Variants in GALNTL6 observed in about 807,000 individuals in gnomAD.
The protein encoded by GALNTL6 is polypeptide N-acetylgalactosaminyltransferase-like 6.
GALNTL6 carries 46 observed loss-of-function variants against 73.7 expected under a neutral mutation model. The observed-to-expected ratio is 0.62, with a 90% CI of 0.49 to 0.80. The LOEUF (loss-of-function observed/expected upper bound fraction) is 0.80. GALNTL6 is among the 30% of genes least tolerant of loss of function. The probability of loss-of-function intolerance (pLI) is 0.00; values close to 1 mark genes in which losing one functional copy is unlikely to be tolerated. For missense variants in GALNTL6, 604 were observed against 755.0 expected (o/e 0.80, Z 2.34); for synonymous variants, 259 against 263.7 (o/e 0.98, Z 0.17).
chr4:172,035,770 A>T (rs899258230), intron 2 of GALNTL6, among the ~76,000 whole-genome samples: 4 of 152,146 alleles, frequency 2.6e-5, no homozygotes, highest in Non-Finnish European at 2.9e-5. Flanking sequence ...GTGCCAGTGA[A>T]CAGTGCTTTA....
At chr4:172,994,480 G>A (rs574930803) in intron 10 of GALNTL6, among the ~76,000 whole-genome samples, 6 of 152,186 alleles carry the variant, frequency 3.9e-5, no homozygotes, top group Admixed American at 3.9e-4. Flanking sequence ...ATAATTTAAG[G>A]CTCACAGAGA....
chr4:172,902,282 A>C (rs1746668148), intron 8 of GALNTL6, among the ~76,000 whole-genome samples: 1 of 152,208 alleles, frequency 6.6e-6, no homozygotes, highest in Non-Finnish European at 1.5e-5. Flanking sequence ...TAAAGTCCAA[A>C]TATTAACATT....
chr4:172,232,805 A>C (rs836323), intron 3 of GALNTL6, among the ~76,000 whole-genome samples: 150,271 of 152,216 alleles, frequency 0.99, 74,205 homozygotes, highest in East Asian at 1. Flanking sequence ...TGCTATGGGG[A>C]CATTTGTTCT....
chr4:172,750,936 T>C (rs1309767004), intron 5 of GALNTL6, among the ~76,000 whole-genome samples: 3 of 152,160 alleles, frequency 2.0e-5, no homozygotes, highest in Admixed American at 6.6e-5. Context: ...GTTATCTAAG[T>C]AGTCCAGGTT....
intron 2 of GALNTL6, among the ~76,000 whole-genome samples, chr4:172,047,231 G>A (rs993764642): frequency 1.3e-5 from 2 of 152,188 alleles, no homozygotes; most frequent in African/African-American, 4.8e-5. Context: ...TTGAGGCAGC[G>A]GCTCTCAAAC....
chr4:172,321,920 G>A (rs1740770275), intron 4 of GALNTL6, among the ~76,000 whole-genome samples: 1 of 152,174 alleles, frequency 6.6e-6, no homozygotes, highest in Non-Finnish European at 1.5e-5. Context: ...TGAAACTGGT[G>A]ATCAGCAGCT....
At chr4:172,152,877 TG>T (rs1396775900) in intron 2 of GALNTL6, among the ~76,000 whole-genome samples, 4 of 152,224 alleles carry the variant, frequency 2.6e-5, no homozygotes, top group African/African-American at 9.6e-5. Context: ...CCCAAAGTGC[TG>T]GGATTACAGG....
rs540512438 is a variant in GALNTL6, at chr4:172,693,687, C to G, written c.554-115674C>G. On this transcript the variant is annotated intron_variant, in intron 5 of 12. Transcript: ENST00000506823. ...GTTTTTCATTTCTTCCCAGGTGTTC[C>G]TCAAAACAGCTGATTCTCTGCCTTG... 2.3e-4 allele frequency among the ~76,000 whole-genome samples: 35 copies of G among 152,270 alleles called. No individual in the cohort carries two copies. The South Asian group carries it at 3.9e-3, about 17-fold the overall frequency.
intron 2 of GALNTL6, among the ~76,000 whole-genome samples, chr4:172,120,388 CT>C (rs1237879397): frequency 6.6e-6 from 1 of 152,116 alleles, no homozygotes; most frequent in East Asian, 1.9e-4. Context: ...TGTTCCCTGC[CT>C]TTTCCAACAT....
At chr4:173,039,798 A>C (rs1753832117) in intron 12 of GALNTL6, 135 bp from the exon 13 acceptor site, 6 of 666,182 alleles carry the variant, frequency 9.0e-6, no homozygotes, top group Non-Finnish European at 9.7e-6. Flanking sequence ...CTATTGTTTG[A>C]TTTGGGAGCT....
At position 173,011,906 on chromosome 4, in the gene GALNTL6, C is replaced by T. The variant is rs548673602; in HGVS notation, c.1488+2612C>T. Among the ~76,000 whole-genome samples, 19 of 152,086 alleles carry T rather than the reference C, an allele frequency of 1.2e-4. No homozygotes were observed. The South Asian group carries it at 2.9e-3, about 23-fold the overall frequency. ...TGCCTTTGCTCTCTTTTAGCGTTTT[C>T]GTTTCTTGTATTTTAGAGATGGGGT... On this transcript the variant is annotated intron_variant, in intron 11 of 12. Transcript: ENST00000506823.
At chr4:172,309,332 A>T (rs1461719369) in intron 3 of GALNTL6, among the ~76,000 whole-genome samples, 2 of 152,138 alleles carry the variant, frequency 1.3e-5, no homozygotes, top group Non-Finnish European at 2.9e-5. Context: ...AAAATCTTGA[A>T]TTCTAGTAAT....
chr4:172,759,005 C>T (rs1011823655), intron 5 of GALNTL6, among the ~76,000 whole-genome samples: 8 of 152,216 alleles, frequency 5.3e-5, no homozygotes, highest in Admixed American at 2.0e-4. Context: ...TGATTCTTCT[C>T]TATTAGAAAT....
intron 8 of GALNTL6, among the ~76,000 whole-genome samples, chr4:172,903,000 TC>T (rs1161899504): frequency 6.6e-6 from 1 of 152,186 alleles, no homozygotes; most frequent in African/African-American, 2.4e-5. Context: ...TATATTTTAT[TC>T]CCACATTCAC....
intron 2 of GALNTL6, among the ~76,000 whole-genome samples, chr4:172,181,960 G>A (rs544041913): frequency 2.4e-4 from 37 of 151,864 alleles, no homozygotes; most frequent in South Asian, 8.3e-4. Flanking sequence ...CTCATGATCC[G>A]CCTGACTCGG....
chr4:171,925,609 A>G (rs1356633162), intron 2 of GALNTL6, among the ~76,000 whole-genome samples: 1 of 152,220 alleles, frequency 6.6e-6, no homozygotes, highest in Admixed American at 6.5e-5. Flanking sequence ...TATTTCATTT[A>G]TACCATTTTA....
intron 2 of GALNTL6, among the ~76,000 whole-genome samples, chr4:172,004,657 T>G (rs1290402675): frequency 6.6e-6 from 1 of 152,140 alleles, no homozygotes; most frequent in African/African-American, 2.4e-5. Flanking sequence ...AAATATGCTC[T>G]AATATATGTC....
At chr4:172,401,286 A>G (rs1744028270) in intron 5 of GALNTL6, among the ~76,000 whole-genome samples, 1 of 152,178 alleles carries the variant, frequency 6.6e-6, no homozygotes, top group South Asian at 2.1e-4. Flanking sequence ...CTTGGCTTCT[A>G]TAAAGTTTTG....
At chr4:172,172,318 C>A (rs1050279292) in intron 2 of GALNTL6, among the ~76,000 whole-genome samples, 1 of 152,102 alleles carries the variant, frequency 6.6e-6, no homozygotes, top group Non-Finnish European at 1.5e-5. Context: ...CTGCCTCAGC[C>A]TCTCAGGTAG....
Sources: allele counts gnomAD v4.1 joint callset (sites outside exome capture counted in the v4.1 genomes callset), GRCh38; gene constraint gnomAD v4.1.1; transcripts MANE v1.5; gene names NCBI Gene and HGNC (gene_info 2026-07-23, HGNC 2026-07-21).